The following EYS variants were observed in gnomAD, a reference collection of about 807,000 sequenced individuals.
EYS encodes protein eyes shut homolog.
A neutral mutation model predicts 282.1 loss-of-function variants in EYS; 250 were observed. The observed-to-expected ratio is 0.89, with a 90% CI of 0.80 to 0.98. EYS has a LOEUF of 0.98. Ranked by LOEUF, EYS falls within the 50% of genes least tolerant of loss-of-function variation. EYS has a pLI of 0.00. For synonymous variants in EYS, 1,355 were observed against 1,282.9 expected (o/e 1.06, Z -1.20); for missense variants, 4,016 against 3,709.0 (o/e 1.08, Z -2.15).
chr6:64,740,217 G>A (rs1035695823), intron 22 of EYS, among the ~76,000 whole-genome samples: 1 of 151,912 alleles, frequency 6.6e-6, no homozygotes, highest in Non-Finnish European at 1.5e-5. Flanking sequence ...ATACAGTTAT[G>A]AGCAGTTCTA....
At chr6:64,445,251 G>C (rs1460276151) in intron 26 of EYS, among the ~76,000 whole-genome samples, 1 of 152,060 alleles carries the variant, frequency 6.6e-6, no homozygotes, top group Non-Finnish European at 1.5e-5. Flanking sequence ...ATTTTAAACA[G>C]ATGAGAATAA....
intron 36 of EYS, among the ~76,000 whole-genome samples, chr6:63,840,209 A>AGCTTATTATTAT (rs748732292): frequency 0.23 from 13,481 of 59,602 alleles, 782 homozygotes; most frequent in East Asian, 0.3. Context: ...CACCATGCCC[A>AGCTTATTATTAT]TCTTATTATT....
chr6:64,654,010 G>A (rs1768659650), intron 22 of EYS, among the ~76,000 whole-genome samples: 1 of 152,080 alleles, frequency 6.6e-6, no homozygotes, highest in Non-Finnish European at 1.5e-5. Flanking sequence ...AAGATGAATT[G>A]CTAACTTGAA....
At chr6:64,741,245 G>T (rs879631975) in intron 22 of EYS, among the ~76,000 whole-genome samples, 7 of 152,180 alleles carry the variant, frequency 4.6e-5, no homozygotes, top group Admixed American at 6.5e-5. Context: ...CTCCATCAGA[G>T]CTCTTGGGTG....
chr6:64,564,953 C>T (rs1765518606), intron 26 of EYS, among the ~76,000 whole-genome samples: 1 of 152,244 alleles, frequency 6.6e-6, no homozygotes, highest in Admixed American at 6.5e-5. Flanking sequence ...TTTTTATACA[C>T]CTGTTGCCAT....
At chr6:64,757,344 T>C (rs756186443) in intron 22 of EYS, among the ~76,000 whole-genome samples, 3 of 152,202 alleles carry the variant, frequency 2.0e-5, no homozygotes, top group Admixed American at 6.5e-5. Flanking sequence ...ACTTCTATTA[T>C]AACTCTTAGT....
chr6:64,622,325 T>A (rs952492650), intron 23 of EYS, among the ~76,000 whole-genome samples: 5 of 152,166 alleles, frequency 3.3e-5, no homozygotes, highest in African/African-American at 1.2e-4. Flanking sequence ...AAATGAATTG[T>A]ACTTTTTCAA....
At chr6:64,758,981 A>C (rs1299281508) in intron 22 of EYS, among the ~76,000 whole-genome samples, 1 of 152,154 alleles carries the variant, frequency 6.6e-6, no homozygotes, top group African/African-American at 2.4e-5. Flanking sequence ...TACTAAAAAT[A>C]CAAAAAAATT....
At chr6:65,695,648 C>A (rs1265619141) in intron 1 of EYS, among the ~76,000 whole-genome samples, 1 of 150,396 alleles carries the variant, frequency 6.6e-6, no homozygotes. Flanking sequence ...TTTTTTTTTA[C>A]TTTGCCTACC....
chr6:64,274,827 T>C (rs1768058541), intron 30 of EYS, among the ~76,000 whole-genome samples: 1 of 151,904 alleles, frequency 6.6e-6, no homozygotes, highest in Non-Finnish European at 1.5e-5. Context: ...CTAAGCACAG[T>C]GCCTGGCCAT....
intron 14 of EYS, among the ~76,000 whole-genome samples, chr6:64,973,074 T>C (rs1770351631): frequency 6.6e-6 from 1 of 152,102 alleles, no homozygotes; most frequent in South Asian, 2.1e-4. Flanking sequence ...GACTTCACTA[T>C]TATTTTGTAC....
At chr6:65,281,383 A>AC (rs1212447580) in intron 12 of EYS, among the ~76,000 whole-genome samples, 1 of 152,120 alleles carries the variant, frequency 6.6e-6, no homozygotes, top group Non-Finnish European at 1.5e-5. Flanking sequence ...TTTATAACTC[A>AC]CAATGTATGT....
intron 22 of EYS, among the ~76,000 whole-genome samples, chr6:64,718,851 A>G (rs1771480877): frequency 1.3e-5 from 2 of 152,240 alleles, no homozygotes; most frequent in African/African-American, 4.8e-5. Context: ...AGCTCCCTGA[A>G]GGTATCCACA....
intron 12 of EYS, among the ~76,000 whole-genome samples, chr6:65,285,439 GCA>G (rs936563304): frequency 1.3e-5 from 2 of 151,796 alleles, no homozygotes; most frequent in African/African-American, 4.8e-5. Flanking sequence ...TTCCTCTCTT[GCA>G]TTTTTGGATG....
intron 12 of EYS, among the ~76,000 whole-genome samples, chr6:65,282,078 T>C (rs538698358): frequency 1.3e-4 from 19 of 150,012 alleles, no homozygotes; most frequent in Admixed American, 1.2e-3. Context: ...GATGGAGGAT[T>C]TGAGTGGGGG....
intron 14 of EYS, among the ~76,000 whole-genome samples, chr6:64,959,955 G>C (rs1458747504): frequency 6.7e-5 from 10 of 150,270 alleles, no homozygotes; most frequent in Non-Finnish European, 1.3e-4. Context: ...CACAGTGCAT[G>C]GGCAAATGTG....
chr6:64,261,476 T>A (rs1022867249), intron 30 of EYS, among the ~76,000 whole-genome samples: 2 of 152,158 alleles, frequency 1.3e-5, no homozygotes, highest in African/African-American at 4.8e-5. Context: ...GTTTTTGTCT[T>A]ATTTTATTGT....
intron 1 of EYS, among the ~76,000 whole-genome samples, chr6:65,642,686 T>G (rs984893462): frequency 1.3e-5 from 2 of 152,248 alleles, no homozygotes; most frequent in Non-Finnish European, 2.9e-5. Flanking sequence ...AACAAATACT[T>G]CTATTAGTTC....
At chr6:64,732,307 TAA>T (rs112329306) in intron 22 of EYS, among the ~76,000 whole-genome samples, 24 of 141,608 alleles carry the variant, frequency 1.7e-4, no homozygotes, top group East Asian at 1.4e-3. Flanking sequence ...CTTAAAGTAT[TAA>T]AAAAAAAAAA....
Sources: allele counts gnomAD v4.1 joint callset (sites outside exome capture counted in the v4.1 genomes callset), GRCh38; gene constraint gnomAD v4.1.1; transcripts MANE v1.5; gene names NCBI Gene and HGNC (gene_info 2026-07-23, HGNC 2026-07-21).